The following SLC39A1 variants were observed in gnomAD, a reference collection of about 807,000 sequenced individuals.
SLC39A1 encodes solute carrier family 39 member 1.
Under a neutral mutation model 21.4 loss-of-function variants are expected in SLC39A1, and 17 were observed. That is an observed-to-expected ratio of 0.79 (90% CI 0.54 to 1.19). The LOEUF is 1.19. SLC39A1 is among the 50% of genes most tolerant of loss of function. The pLI is 0.00. For missense variants in SLC39A1, 343 were observed against 399.8 expected, an observed-to-expected ratio of 0.86 and a Z score of 1.21; for synonymous variants, 183 against 185.9, an observed-to-expected ratio of 0.98 and a Z score of 0.13.
At chr1:153,961,610 C>T in intron 3 of SLC39A1, among the ~76,000 whole-genome samples, 1 of 152,228 alleles carries the variant, frequency 6.6e-6, no homozygotes, top group East Asian at 1.9e-4. Flanking sequence ...GGCTTATACG[C>T]AGTCACACGG....
At chr1:153,967,631 A>C (rs1226757739), upstream of SLC39A1, 3 of 152,024 alleles carry the variant, frequency 2.0e-5, no homozygotes, top group Non-Finnish European at 4.4e-5. Context: ...CAGCCTGGGC[A>C]ACAGAGCGAG....
chr1:153,959,784 G>T lies in SLC39A1; in HGVS notation c.*314C>A, dbSNP rs1299696384. The T allele has an allele frequency of 8.7e-6, 3 of 345,064 alleles. No individual in the cohort carries two copies. The highest frequency in any genetic ancestry group is 8.7e-5 in the Admixed American group (2 of 23,032). The allele number at this position is 345,064 out of a possible 1,614,324, so 21.4% of individuals were successfully genotyped here. Reference sequence around the variant, plus strand: ...TGGGTACCCACCTCCAGCCTCCCATGTGAGCCTGTCCTTATGTATAGTGTC... The same window carrying T: ...TGGGTACCCACCTCCAGCCTCCCATTTGAGCCTGTCCTTATGTATAGTGTC... On this transcript the variant is annotated 3_prime_UTR_variant, in exon 4 of 4. Coordinates refer to ENST00000356205, the MANE Select transcript of SLC39A1 (RefSeq NM_001271958.2).
chr1:153,960,519 AACACCAGT>A lies in SLC39A1; in HGVS notation c.546_553del (p.Val184ProfsTer49). The stretch of plus-strand genomic sequence containing the variant: ...GAACACGGAGTGGAGGGCCAGGGAG[AACACCAGT>A]ACACAGGCACGCAAGGCTGAGGGGG... On this transcript the variant is annotated frameshift_variant, in exon 4 of 4. Transcript: ENST00000356205. LOFTEE classifies it high-confidence loss of function. 6.2e-7 allele frequency: 1 copy of A among 1,613,560 alleles called. No individual in the cohort carries two copies.
chr1:153,961,767 T>G (rs1647454098), intron 3 of SLC39A1, among the ~76,000 whole-genome samples: 2 of 152,192 alleles, frequency 1.3e-5, no homozygotes, highest in Non-Finnish European at 2.9e-5. Flanking sequence ...AACCAAGTCC[T>G]ATGCCGTGGA....
At chr1:153,963,011 T>C in intron 1 of SLC39A1, 2 of 305,466 alleles carry the variant, frequency 6.5e-6, no homozygotes, top group East Asian at 1.0e-4. Flanking sequence ...CCCTTTCACC[T>C]GGTGCCCCCA....
chr1:153,964,533 T>C, upstream of SLC39A1: 1 of 152,056 alleles, frequency 6.6e-6, no homozygotes, highest in East Asian at 1.9e-4. Context: ...GGGATCTTGC[T>C]TCCTACAGGA....
chr1:153,959,770 C>A lies in SLC39A1; in HGVS notation c.*328G>T. 1 of 330,770 alleles carries A rather than the reference C, an allele frequency of 3.0e-6. No homozygotes were observed. Among genetic ancestry groups the A allele is most frequent in the Non-Finnish European group, 5.6e-6 (1 of 178,756 alleles). The allele number at this position is 330,770 out of a possible 1,614,324, so 20.5% of individuals were successfully genotyped here. On this transcript the variant is annotated 3_prime_UTR_variant, in exon 4 of 4. Transcript: ENST00000356205. ...CGTTCCACAGCAGCTGGGTACCCACCTCCAGCCTCCCATGTGAGCCTGTCC... is the reference window on the plus strand; with the variant it reads ...CGTTCCACAGCAGCTGGGTACCCACATCCAGCCTCCCATGTGAGCCTGTCC...
In SLC39A1 at chr1:153,963,486, C is replaced by G. The variant is rs1647615316; in HGVS notation, c.-33+9G>C. ...ACATGGACCCCGCTGCCAGACAGCC[C>G]GCACTCACCTCGCGAGGGTCTCACT... On this transcript the variant is annotated intron_variant, in intron 1 of 3. Transcript: ENST00000356205. 1 of 152,330 alleles carries G rather than the reference C, an allele frequency of 6.6e-6. No homozygotes were observed. The highest frequency in any genetic ancestry group is 2.1e-4 in the South Asian group (1 of 4,836). 9.4% of individuals were successfully genotyped at this position (152,330 alleles called of 1,614,324 possible).
rs1441045541 is a variant in SLC39A1 at position 153,960,184 on chromosome 1, C to T, written c.889G>A (p.Ala297Thr). The T allele has an allele frequency of 6.2e-7, 1 of 1,614,100 alleles. No homozygotes were observed. Among genetic ancestry groups the T allele is most frequent in the African/African-American group, 1.3e-5 (1 of 74,942 alleles). ...TFLEILPQEL[A>T]SSEQRILKVI... ...TTGAGGATCCTTTGCTCAGAACTGGCCAGCTCCTGGGGCAGGATTTCCAGA... is the reference window on the plus strand; with the variant it reads ...TTGAGGATCCTTTGCTCAGAACTGGTCAGCTCCTGGGGCAGGATTTCCAGA... Residue 297 changes from alanine (A) to threonine (T), a missense_variant, in exon 4 of 4, where the codon GCC becomes ACC. Coordinates refer to ENST00000356205, the MANE Select transcript of SLC39A1 (RefSeq NM_001271958.2).
At chr1:153,965,600 T>C (rs796160572), upstream of SLC39A1, among the ~76,000 whole-genome samples, 11 of 152,276 alleles carry the variant, frequency 7.2e-5, 1 homozygote, top group African/African-American at 2.6e-4. Flanking sequence ...TCCTCCTTTC[T>C]TTCTTGACAG....
chr1:153,960,298 C>G lies in SLC39A1; in HGVS notation c.775G>C (p.Ala259Pro), dbSNP rs1647303767. ...MTPLGIGLGA[A>P]LAESAGPLHQ... ...AGAGGTCCTGCCGACTCTGCCAGAG[C>G]TGCACCCAGCCCGATGCCTAGAGGT... Residue 259 changes from alanine to proline, a missense_variant, in exon 4 of 4, where the codon GCT (alanine) becomes CCT (proline). Transcript: ENST00000356205. 1 of 1,614,106 alleles carries G rather than the reference C, an allele frequency of 6.2e-7. No homozygotes were observed. The highest frequency in any genetic ancestry group is 1.1e-5 in the South Asian group (1 of 91,090).
intron 3 of SLC39A1, among the ~76,000 whole-genome samples, chr1:153,961,715 T>C (rs1647449615): frequency 6.6e-6 from 1 of 152,180 alleles, no homozygotes; most frequent in Admixed American, 6.5e-5. Context: ...CAGGATGACT[T>C]TCCTGCCCCA....
chr1:153,962,647 C>T lies in SLC39A1; in HGVS notation c.69G>A (p.Val23=). ...CCAACTTCACCTCCAGCCCCACAGG[C>T]ACTGGAGGCTCTGAAGCTACCGCCT... ...RPEAVASEPP[V]PVGLEVKLGA... The change falls in exon 2 of 4, where the codon GTG becomes GTA. Residue 23 remains valine, a synonymous_variant. Transcript: ENST00000356205. 1 of 1,612,942 alleles carries T rather than the reference C, an allele frequency of 6.2e-7. No individual in the cohort carries two copies. Among genetic ancestry groups the T allele is most frequent in the East Asian group, 2.2e-5 (1 of 44,856 alleles).
intron 1 of SLC39A1, 72 bp from the exon 2 acceptor site, chr1:153,962,819 G>C: frequency 8.0e-7 from 1 of 1,255,046 alleles, no homozygotes; most frequent in Non-Finnish European, 1.1e-6. Flanking sequence ...GGGAAGCTTG[G>C]TCAGCAGAGT....
chr1:153,960,340 G>T lies in SLC39A1; in HGVS notation c.733C>A (p.Leu245Ile). ...RAQVVAGCGI[L>I]FSCMTPLGIG... is the part of the protein sequence containing the mutation. ...CCTAGAGGTGTCATGCATGAGAAGA[G>T]GATCCCACAGCCAGCCACCACCTGT... Residue 245 changes from leucine (L) to isoleucine (I), a missense_variant, in exon 4 of 4, where the codon CTC becomes ATC. By Grantham distance (5) the Leu-to-Ile change is conservative. Transcript: ENST00000356205. 6.2e-7 allele frequency: 1 copy of T among 1,614,032 alleles called. No homozygotes were observed. The highest frequency in any genetic ancestry group is 8.5e-7 in the Non-Finnish European group (1 of 1,180,050).
chr1:153,963,761 G>C (rs997185297), upstream of SLC39A1: 3 of 152,804 alleles, frequency 2.0e-5, no homozygotes, highest in African/African-American at 7.2e-5. Flanking sequence ...CGGGGCTGGG[G>C]CCCTGGGGCG....
At chr1:153,962,455 G>A in intron 2 of SLC39A1, 74 bp downstream of exon 2, 1 of 1,575,870 alleles carries the variant, frequency 6.3e-7, no homozygotes, top group African/African-American at 1.3e-5. Context: ...TCCTCCTTTG[G>A]TCACTCCCCG....
chr1:153,960,094 C>T lies in SLC39A1; in HGVS notation c.*4G>A. The T allele has an allele frequency of 6.3e-7, 1 of 1,591,830 alleles. No homozygotes were observed. The highest frequency in any genetic ancestry group is 8.6e-7 in the Non-Finnish European group (1 of 1,166,968). ...AATCTCCCCTGCCCCTCTCTTGAAG[C>T]CCCCTAGATTTGGATGAAGAGCAGG... On this transcript the variant is annotated 3_prime_UTR_variant, in exon 4 of 4. Transcript: ENST00000356205.
At position 153,959,883 on chromosome 1, in the gene SLC39A1, A is replaced by G. The variant is rs1390847149; in HGVS notation, c.*215T>C. ...CTGATATGTCTCTAGCGACTTGACC[A>G]TCTCTTGTTCCTTGGGACTGGGGCC... is the stretch of plus-strand genomic sequence containing the variant. On this transcript the variant is annotated 3_prime_UTR_variant, in exon 4 of 4. Coordinates refer to ENST00000356205, the MANE Select transcript of SLC39A1 (RefSeq NM_001271958.2). 1.8e-6 allele frequency: 1 copy of G among 560,088 alleles called. No homozygotes were observed. Among genetic ancestry groups the G allele is most frequent in the Non-Finnish European group, 3.2e-6 (1 of 310,996 alleles). 34.7% of individuals were successfully genotyped at this position (560,088 alleles called of 1,614,324 possible).
Sources: allele counts gnomAD v4.1 joint callset (sites outside exome capture counted in the v4.1 genomes callset), GRCh38; gene constraint gnomAD v4.1.1; transcripts MANE v1.5; gene names NCBI Gene and HGNC (gene_info 2026-07-23, HGNC 2026-07-21).